The following ARHGEF7 variants were observed in gnomAD, a reference collection of about 807,000 sequenced individuals.
The protein encoded by ARHGEF7 is Rho guanine nucleotide exchange factor 7.
ARHGEF7 carries 33 observed loss-of-function variants against 109.8 expected under a neutral mutation model. The ratio of observed to expected loss-of-function variants is 0.30; its 90% CI spans 0.23 to 0.40. The LOEUF is 0.40. Among genes scored for constraint, ARHGEF7 ranks in the 10% least tolerant of loss-of-function variants. The pLI is 1.00. For missense variants in ARHGEF7, 938 were observed against 1,098.5 expected (o/e 0.85, Z 2.07); for synonymous variants, 458 against 424.6 (o/e 1.08, Z -0.97).
rs148269997 is a variant in ARHGEF7 at position 111,305,103 on chromosome 13, C to G, written c.*1990C>G. On this transcript the variant is annotated 3_prime_UTR_variant, in exon 22 of 22. Transcript: ENST00000646102. The stretch of plus-strand genomic sequence containing the variant: ...TGCAGACCTGCCTTAATGCTCAGAT[C>G]GAAGTATTTCACAAGAATACTTGTG... The G allele has an allele frequency of 1.3e-5, 2 of 152,232 alleles. No homozygotes were observed. The highest frequency in any genetic ancestry group is 1.3e-4 in the Admixed American group (2 of 15,290). The allele number at this position is 152,232 out of a possible 1,614,324, so 9.4% of individuals were successfully genotyped here. A position where few individuals can be genotyped will look rare whatever the true frequency, so the allele number is the denominator to read the frequency against.
At chr13:111,154,130 T>G in intron 2 of ARHGEF7, 139 bp downstream of exon 2, 1 of 919,500 alleles carries the variant, frequency 1.1e-6, no homozygotes, top group Non-Finnish European at 1.5e-6. Context: ...GAGTCCGGGA[T>G]GTGTGGAACG....
chr13:111,169,454 A>C (rs1471498933), intron 2 of ARHGEF7, among the ~76,000 whole-genome samples: 2 of 152,078 alleles, frequency 1.3e-5, no homozygotes, highest in Non-Finnish European at 2.9e-5. Flanking sequence ...GGGAGTGGGG[A>C]GGTGCCACAC....
At chr13:111,154,454 C>T (rs908925345) in intron 2 of ARHGEF7, among the ~76,000 whole-genome samples, 1 of 152,156 alleles carries the variant, frequency 6.6e-6, no homozygotes, top group Non-Finnish European at 1.5e-5. Context: ...ATAAAATGGG[C>T]CAGCCCTCCG....
At chr13:111,302,948 A>G (rs2093603919) in intron 21 of ARHGEF7, 43 bp from the exon 22 acceptor site, 1 of 1,609,696 alleles carries the variant, frequency 6.2e-7, no homozygotes, top group Admixed American at 1.7e-5. Flanking sequence ...GCCCTACGCG[A>G]TGCCAAAGAT....
chr13:111,158,907 T>C, intron 2 of ARHGEF7: 1 of 625,362 alleles, frequency 1.6e-6, no homozygotes, highest in South Asian at 1.9e-5. Flanking sequence ...AATTTTGAAA[T>C]ATACTTTAAA....
intron 2 of ARHGEF7, chr13:111,203,040 C>T (rs2081371225): frequency 7.9e-7 from 1 of 1,261,784 alleles, no homozygotes; most frequent in Non-Finnish European, 1.0e-6. Flanking sequence ...ATATATAGTT[C>T]TGGAATAACA....
At chr13:111,187,485 C>T (rs1309993442) in intron 2 of ARHGEF7, among the ~76,000 whole-genome samples, 1 of 152,154 alleles carries the variant, frequency 6.6e-6, no homozygotes, top group Middle Eastern at 3.2e-3. Flanking sequence ...GTTTGTTGTG[C>T]GAACCAATAA....
At chr13:111,153,757 G>C in intron 1 of ARHGEF7, 148 bp from the exon 2 acceptor site, 1 of 1,350,088 alleles carries the variant, frequency 7.4e-7, no homozygotes, top group East Asian at 3.2e-5. Context: ...GTTGGCATCT[G>C]GGGCAGCGGG....
chr13:111,131,258 G>A lies in ARHGEF7; in HGVS notation c.165+15567G>A, dbSNP rs148733665. Among the ~76,000 whole-genome samples, 354 of 152,222 alleles carry A rather than the reference G, an allele frequency of 2.3e-3. 3 individuals carry two copies. The highest frequency in any genetic ancestry group is 0.02 in the East Asian group (104 of 5,154). On this transcript the variant is annotated intron_variant, in intron 1 of 21. Transcript: ENST00000646102. The surrounding 1 kb of genome is among the most constrained non-coding windows in gnomAD (Gnocchi z 4.4). The stretch of plus-strand genomic sequence containing the variant: ...TGGGGATGGCACCAAGGGAGCCCAG[G>A]AGGGTGCGGCGGCGGGCAGACAGGG...
chr13:111,213,606 T>TTTG (rs910905589), intron 4 of ARHGEF7, among the ~76,000 whole-genome samples: 11 of 152,212 alleles, frequency 7.2e-5, no homozygotes, highest in African/African-American at 2.2e-4. Flanking sequence ...GGCATATCCT[T>TTTG]TTGTTGTTGT....
intron 1 of ARHGEF7, among the ~76,000 whole-genome samples, chr13:111,117,689 CTT>C (rs1266844645): frequency 2.6e-5 from 4 of 151,960 alleles, no homozygotes; most frequent in African/African-American, 9.7e-5. Flanking sequence ...CTCTTTCTTT[CTT>C]TCTCTCTCTC....
At chr13:111,262,940 A>G (rs1458569530) in intron 8 of ARHGEF7, among the ~76,000 whole-genome samples, 2 of 152,202 alleles carry the variant, frequency 1.3e-5, no homozygotes, top group Non-Finnish European at 2.9e-5. Flanking sequence ...CATGTGCACC[A>G]TCCTGCTGCC....
chr13:111,151,316 C>T (rs2075876063), intron 1 of ARHGEF7, among the ~76,000 whole-genome samples: 1 of 152,210 alleles, frequency 6.6e-6, no homozygotes, highest in African/African-American at 2.4e-5. Context: ...ACCTGCCTTG[C>T]CTGCAAGTTT....
intron 2 of ARHGEF7, among the ~76,000 whole-genome samples, chr13:111,185,815 G>A (rs1007141141): frequency 5.3e-5 from 8 of 152,162 alleles, no homozygotes; most frequent in East Asian, 1.9e-4. Context: ...GGTGCTGCCT[G>A]ATCTGCCTGC....
chr13:111,208,100 G>C (rs1298145140), intron 3 of ARHGEF7, among the ~76,000 whole-genome samples: 1 of 152,200 alleles, frequency 6.6e-6, no homozygotes, highest in Non-Finnish European at 1.5e-5. Context: ...GAGTGCAATG[G>C]CATGATCTTG....
intron 1 of ARHGEF7, among the ~76,000 whole-genome samples, chr13:111,141,691 A>G (rs1488219442): frequency 1.3e-5 from 2 of 151,628 alleles, no homozygotes; most frequent in Non-Finnish European, 2.9e-5. Context: ...ATCCCATTGT[A>G]TGATGTACCA....
intron 2 of ARHGEF7, among the ~76,000 whole-genome samples, chr13:111,200,686 A>C (rs1483234572): frequency 4.6e-5 from 7 of 152,230 alleles, no homozygotes; most frequent in African/African-American, 1.7e-4. Flanking sequence ...TCTGTCATAC[A>C]TGACAAGGTT....
intron 21 of ARHGEF7, among the ~76,000 whole-genome samples, chr13:111,302,696 G>A (rs943895801): frequency 6.6e-6 from 1 of 152,200 alleles, no homozygotes; most frequent in Non-Finnish European, 1.5e-5. Flanking sequence ...GAGCTGTCTC[G>A]TCCGCAGTTT....
intron 2 of ARHGEF7, among the ~76,000 whole-genome samples, chr13:111,201,223 A>C (rs1389386121): frequency 6.6e-6 from 1 of 151,738 alleles, no homozygotes; most frequent in Non-Finnish European, 1.5e-5. Context: ...GCGTCTCACT[A>C]TTTTCTTCTA....
Sources: allele counts gnomAD v4.1 joint callset (sites outside exome capture counted in the v4.1 genomes callset), GRCh38; gene constraint gnomAD v4.1.1; non-coding constraint Gnocchi (gnomAD v3.1); transcripts MANE v1.5; gene names NCBI Gene and HGNC (gene_info 2026-07-23, HGNC 2026-07-21).